Variants in GANAB observed in about 807,000 individuals in gnomAD.
GANAB encodes glucosidase II alpha subunit.
GANAB carries 35 observed loss-of-function variants against 129.9 expected under a neutral mutation model. The ratio of observed to expected loss-of-function variants is 0.27; its 90% CI spans 0.21 to 0.36. The LOEUF is 0.36. Ranked by LOEUF, GANAB falls within the 10% of genes least tolerant of loss-of-function variation. The pLI, the probability that GANAB is intolerant of heterozygous loss-of-function variation, is 1.00. For missense variants in GANAB, 939 were observed against 1,221.0 expected (o/e 0.77, Z 3.44); for synonymous variants, 482 against 451.8 (o/e 1.07, Z -0.85).
rs1276343261 is a variant in GANAB at position 62,625,318 on chromosome 11, C to T, written c.*497G>A. ...GGGGTAAGGGGTGGTCCCAGTGTAT[C>T]GGTGGGGCATAAAAAGGGGAGTAAA... On this transcript the variant is annotated 3_prime_UTR_variant, in exon 24 of 24. Coordinates refer to ENST00000356638, the MANE Select transcript of GANAB (RefSeq NM_198334.3). The T allele has an allele frequency of 1.8e-5, 8 of 454,322 alleles. No individual in the cohort carries two copies. Among genetic ancestry groups the T allele is most frequent in the Non-Finnish European group, 3.1e-5 (7 of 226,342 alleles). The allele number at this position is 454,322 out of a possible 1,614,324, so 28.1% of individuals were successfully genotyped here.
At chr11:62,633,616 C>T (rs1943798038) in intron 5 of GANAB, 102 bp from the exon 6 acceptor site, 2 of 1,008,110 alleles carry the variant, frequency 2.0e-6, no homozygotes, top group African/African-American at 1.6e-5. Flanking sequence ...TCCAAAGGAA[C>T]GAAGGCATTG....
chr11:62,626,729 C>T, intron 20 of GANAB, 45 bp from the exon 21 acceptor site: 2 of 1,406,428 alleles, frequency 1.4e-6, no homozygotes, highest in Non-Finnish European at 2.0e-6. Flanking sequence ...CCTTGTCCAA[C>T]CTTGGGCCCC....
chr11:62,646,512 G>C, intron 1 of GANAB, 50 bp downstream of exon 1: 2 of 1,595,290 alleles, frequency 1.3e-6, no homozygotes, highest in African/African-American at 2.7e-5. Context: ...AATGGGACTT[G>C]GGGGATCTGG....
Position 62,626,463 on chromosome 11 carries a change from G to T in GANAB, c.2512-16C>A. ...GAGCTGTACCCTGAGCAAGAAGTGGGATAGGTGAGCGCCTGAGCCCAAGAG... is the reference window on the plus strand; with the variant it reads ...GAGCTGTACCCTGAGCAAGAAGTGGTATAGGTGAGCGCCTGAGCCCAAGAG... On this transcript the variant is annotated splice_polypyrimidine_tract_variant and intron_variant, in intron 21 of 23. Transcript: ENST00000356638. 6.4e-7 allele frequency: 1 copy of T among 1,573,618 alleles called. No individual in the cohort carries two copies. The highest frequency in any genetic ancestry group is 1.3e-5 in the African/African-American group (1 of 74,164).
Position 62,626,054 on chromosome 11 carries a change from T to C in GANAB, c.2725+11A>G. 6.3e-7 allele frequency: 1 copy of C among 1,594,918 alleles called. No individual in the cohort carries two copies. Among genetic ancestry groups the C allele is most frequent in the Non-Finnish European group, 8.6e-7 (1 of 1,162,420 alleles). On this transcript the variant is annotated intron_variant, in intron 23 of 23. Transcript: ENST00000356638. ...CCTTCCCCCATCCTAGGGGCCAGAT[T>C]GGTCACTCACCTTTTGTCTGGAGTA...
chr11:62,632,776 A>T, intron 8 of GANAB, 31 bp from the exon 9 acceptor site: 1 of 1,578,728 alleles, frequency 6.3e-7, no homozygotes, highest in East Asian at 2.2e-5. Flanking sequence ...TTGGGCTGCT[A>T]ACTGGCCCCA....
At chr11:62,645,319 G>A (rs551181836) in intron 1 of GANAB, among the ~76,000 whole-genome samples, 1 of 152,108 alleles carries the variant, frequency 6.6e-6, no homozygotes, top group East Asian at 1.9e-4. Context: ...GGTGGATCAC[G>A]AGGTCAAGAG....
Position 62,628,749 on chromosome 11 carries a change from A to G in GANAB, c.2180+20T>C, listed in dbSNP as rs1443532906. 6.2e-7 allele frequency: 1 copy of G among 1,609,088 alleles called. No homozygotes were observed. Among genetic ancestry groups the G allele is most frequent in the Non-Finnish European group, 8.5e-7 (1 of 1,175,896 alleles). ...CCAGCCACCTCAGCCCACTCTTCAC[A>G]GCCCAAGTGAATGCCTCACCTCATG... is the stretch of plus-strand genomic sequence containing the variant. On this transcript the variant is annotated intron_variant, in intron 17 of 23. Transcript: ENST00000356638.
At position 62,625,763 on chromosome 11, in the gene GANAB, T is replaced by A. The variant is rs1943341478; in HGVS notation, c.*52A>T. On this transcript the variant is annotated 3_prime_UTR_variant, in exon 24 of 24. Transcript: ENST00000356638. ...ACTCCAAGGCAGAAGAAAGAATATC[T>A]CTCAGCACTAATGCTCCCCTTCCCT... 9.0e-7 allele frequency: 1 copy of A among 1,108,072 alleles called. No individual in the cohort carries two copies. Among genetic ancestry groups the A allele is most frequent in the African/African-American group, 1.5e-5 (1 of 65,216 alleles). 68.6% of individuals were successfully genotyped at this position (1,108,072 alleles called of 1,614,324 possible). A position where few individuals can be genotyped will look rare whatever the true frequency, so the allele number is the denominator to read the frequency against.
chr11:62,632,433 C>CA (rs1242731630), intron 9 of GANAB, 132 bp downstream of exon 9: 5 of 698,024 alleles, frequency 7.2e-6, no homozygotes, highest in African/African-American at 1.8e-5. Flanking sequence ...TTAGGGAACT[C>CA]AAATGCTGCC....
chr11:62,636,358 T>C (rs915459288), intron 4 of GANAB, among the ~76,000 whole-genome samples: 1 of 151,744 alleles, frequency 6.6e-6, no homozygotes, highest in African/African-American at 2.4e-5. Flanking sequence ...CCCAGCACTT[T>C]GGGAGGCCGA....
chr11:62,646,338 C>A (rs544154733), intron 1 of GANAB, among the ~76,000 whole-genome samples: 1 of 152,244 alleles, frequency 6.6e-6, no homozygotes, highest in South Asian at 2.1e-4. Flanking sequence ...TGTGGCTTTA[C>A]TAAACCGCCG....
intron 1 of GANAB, among the ~76,000 whole-genome samples, chr11:62,646,138 T>C (rs569171414): frequency 6.6e-6 from 1 of 152,292 alleles, no homozygotes; most frequent in Non-Finnish European, 1.5e-5. Flanking sequence ...GCTTAACTGC[T>C]GGCCCGGTGC....
chr11:62,629,523 G>T, intron 15 of GANAB, 65 bp downstream of exon 15: 1 of 1,084,546 alleles, frequency 9.2e-7, no homozygotes, highest in Non-Finnish European at 1.4e-6. Context: ...GGCAGGTCCA[G>T]GTCCATGGCT....
At chr11:62,639,888 A>C in intron 1 of GANAB, 157 bp from the exon 2 acceptor site, 5 of 617,240 alleles carry the variant, frequency 8.1e-6, no homozygotes, top group Non-Finnish European at 1.5e-5. Flanking sequence ...GGCAGAGTGG[A>C]CACAGGGTTA....
intron 5 of GANAB, chr11:62,634,046 C>T (rs1458950751): frequency 1.1e-5 from 5 of 445,346 alleles, no homozygotes; most frequent in Non-Finnish European, 2.0e-5. Flanking sequence ...AGTCAGGAAC[C>T]CCAGCAATAG....
At chr11:62,626,981 G>T (rs1279170435) in intron 19 of GANAB, 47 bp from the exon 20 acceptor site, 1 of 1,576,282 alleles carries the variant, frequency 6.3e-7, no homozygotes, top group Admixed American at 1.7e-5. Context: ...CAGTGCACAG[G>T]GGTCCCGTCC....
At chr11:62,630,160 C>T in intron 13 of GANAB, 37 bp downstream of exon 13, 1 of 1,500,190 alleles carries the variant, frequency 6.7e-7, no homozygotes, top group Non-Finnish European at 9.2e-7. Flanking sequence ...GCAGGTGGAA[C>T]AGACAGACGC....
intron 1 of GANAB, among the ~76,000 whole-genome samples, chr11:62,641,439 A>G (rs1344854993): frequency 6.6e-6 from 1 of 151,100 alleles, no homozygotes; most frequent in Non-Finnish European, 1.5e-5. Context: ...TGTTTCTCTG[A>G]TTTCTACTCC....
Sources: gnomAD v4.1 joint callset for allele counts (sites outside exome capture counted in the v4.1 genomes callset) on GRCh38, gnomAD v4.1.1 for gene constraint, MANE v1.5 for transcripts, NCBI Gene and HGNC (gene_info 2026-07-23, HGNC 2026-07-21) for gene names.